The following DLG2 variants were observed in gnomAD, a reference collection of about 807,000 sequenced individuals.
DLG2 encodes disks large homolog 2.
DLG2 carries 45 observed loss-of-function variants against 132.5 expected under a neutral mutation model. The observed-to-expected ratio is 0.34, with a 90% CI of 0.27 to 0.44. The LOEUF (loss-of-function observed/expected upper bound fraction) is 0.44. Among genes scored for constraint, DLG2 ranks in the 20% least tolerant of loss-of-function variants. The probability of loss-of-function intolerance (pLI) is 1.00; values close to 1 mark genes in which losing one functional copy is unlikely to be tolerated. For synonymous variants in DLG2, 424 were observed against 419.6 expected (o/e 1.01, Z -0.13); for missense variants, 1,045 against 1,196.9 (o/e 0.87, Z 1.87).
At chr11:84,986,744 C>T (rs2154122804) in intron 6 of DLG2, among the ~76,000 whole-genome samples, 1 of 152,220 alleles carries the variant, frequency 6.6e-6, no homozygotes, top group East Asian at 1.9e-4. Flanking sequence ...GCAAAATCAG[C>T]ATACAAGGGA....
At chr11:85,013,022 A>T (rs2059282197) in intron 6 of DLG2, among the ~76,000 whole-genome samples, 1 of 152,196 alleles carries the variant, frequency 6.6e-6, no homozygotes, top group Non-Finnish European at 1.5e-5. Flanking sequence ...TCTCATTTTC[A>T]GTGTGGAAAA....
At chr11:84,221,927 TTA>T (rs1456597386) in intron 8 of DLG2, among the ~76,000 whole-genome samples, 1 of 152,134 alleles carries the variant, frequency 6.6e-6, no homozygotes, top group Non-Finnish European at 1.5e-5. Context: ...TTTATAGATA[TTA>T]TGTTATTAGA....
chr11:85,259,224 G>T (rs1244729404), intron 4 of DLG2, among the ~76,000 whole-genome samples: 3 of 152,054 alleles, frequency 2.0e-5, no homozygotes, highest in African/African-American at 4.8e-5. Context: ...GCTCTCACAA[G>T]ATCTGGGTGT....
At chr11:85,516,836 C>G (rs760289010) in intron 3 of DLG2, among the ~76,000 whole-genome samples, 1 of 151,742 alleles carries the variant, frequency 6.6e-6, no homozygotes, top group Non-Finnish European at 1.5e-5. Context: ...CTGAATTCCA[C>G]CAAAAGTACA....
In DLG2 at chr11:84,647,078, T is replaced by C. The variant is rs535653215; in HGVS notation, c.358-112347A>G. ...TATAACATATATAATACATAATATA[T>C]TATCTAAATCTATTGGGGATAACAT... On this transcript the variant is annotated intron_variant, in intron 6 of 27. Coordinates refer to ENST00000376104, the MANE Select transcript of DLG2 (RefSeq NM_001142699.3). 1.1e-3 allele frequency among the ~76,000 whole-genome samples: 173 copies of C among 152,162 alleles called. 1 individual carries two copies. The highest frequency in any genetic ancestry group is 4.0e-3 in the African/African-American group (165 of 41,536).
intron 7 of DLG2, among the ~76,000 whole-genome samples, chr11:84,335,044 T>C (rs970755191): frequency 5.9e-5 from 9 of 151,586 alleles, no homozygotes; most frequent in Non-Finnish European, 1.3e-4. Context: ...CAAAAATATA[T>C]GATTTAATAC....
At chr11:84,828,894 TCC>T (rs957147928) in intron 6 of DLG2, among the ~76,000 whole-genome samples, 9 of 151,722 alleles carry the variant, frequency 5.9e-5, no homozygotes, top group African/African-American at 2.2e-4. Flanking sequence ...GGCAGGACAG[TCC>T]CTATGTACTA....
chr11:83,519,050 A>C (rs376254141), intron 21 of DLG2, among the ~76,000 whole-genome samples: 1 of 152,330 alleles, frequency 6.6e-6, no homozygotes, highest in East Asian at 1.9e-4. Flanking sequence ...CAGAGAGAGC[A>C]GCCACAGAGG....
chr11:83,775,909 G>A (rs752793435), intron 18 of DLG2, among the ~76,000 whole-genome samples: 2 of 151,900 alleles, frequency 1.3e-5, no homozygotes, highest in Admixed American at 1.3e-4. Flanking sequence ...TGGCTAATAC[G>A]GTGAAACCTC....
intron 16 of DLG2, among the ~76,000 whole-genome samples, chr11:83,851,627 CAA>C (rs376147145): frequency 2.6e-5 from 3 of 113,408 alleles, no homozygotes; most frequent in Non-Finnish European, 3.6e-5. Flanking sequence ...AACTCGGTCT[CAA>C]AAAAAAAAAA....
intron 6 of DLG2, among the ~76,000 whole-genome samples, chr11:84,718,350 G>C (rs769152606): frequency 7.2e-5 from 11 of 151,912 alleles, no homozygotes; most frequent in Non-Finnish European, 1.3e-4. Context: ...CTCTCATAAA[G>C]TGAATTTGTT....
intron 19 of DLG2, among the ~76,000 whole-genome samples, chr11:83,556,213 A>G (rs473255): frequency 0.47 from 71,929 of 151,968 alleles, 17,601 homozygotes; most frequent in Admixed American, 0.57. Flanking sequence ...CATTCATAGA[A>G]AACAAGAGAA....
At chr11:83,772,941 C>T (rs888055382) in intron 18 of DLG2, among the ~76,000 whole-genome samples, 2 of 152,122 alleles carry the variant, frequency 1.3e-5, no homozygotes, top group African/African-American at 4.8e-5. Flanking sequence ...TCAGTGTACA[C>T]ATTTTAATAT....
chr11:84,609,239 G>C (rs2099591088), intron 6 of DLG2, among the ~76,000 whole-genome samples: 1 of 152,076 alleles, frequency 6.6e-6, no homozygotes, highest in Admixed American at 6.6e-5. Flanking sequence ...TAACCTCTCT[G>C]TGCTTCGGTT....
At chr11:83,909,684 A>C (rs2075697782) in intron 15 of DLG2, among the ~76,000 whole-genome samples, 1 of 152,212 alleles carries the variant, frequency 6.6e-6, no homozygotes, top group African/African-American at 2.4e-5. Context: ...GAAATTAAAT[A>C]TCTGAAAAAA....
At chr11:84,317,016 G>T in intron 7 of DLG2, 1 of 1,612,810 alleles carries the variant, frequency 6.2e-7, no homozygotes, top group East Asian at 2.2e-5. Context: ...CTGTACCCGA[G>T]CCCCTGACAG....
chr11:84,044,578 T>C (rs182332163), intron 11 of DLG2, among the ~76,000 whole-genome samples: 43 of 151,888 alleles, frequency 2.8e-4, no homozygotes, highest in African/African-American at 1.0e-3. Context: ...GTGTCATTTT[T>C]CTTGTAAGAC....
At chr11:84,370,048 A>G (rs1269494423) in intron 7 of DLG2, among the ~76,000 whole-genome samples, 1 of 152,160 alleles carries the variant, frequency 6.6e-6, no homozygotes, top group Non-Finnish European at 1.5e-5. Flanking sequence ...AATGCTGAAG[A>G]GAGAGGGTAT....
intron 3 of DLG2, among the ~76,000 whole-genome samples, chr11:85,493,936 G>T (rs1381387679): frequency 6.6e-6 from 1 of 152,176 alleles, no homozygotes; most frequent in South Asian, 2.1e-4. Context: ...GCACCAGTAG[G>T]ATTGGCATTC....
Sources: allele counts gnomAD v4.1 joint callset (sites outside exome capture counted in the v4.1 genomes callset), GRCh38; gene constraint gnomAD v4.1.1; transcripts MANE v1.5; gene names NCBI Gene and HGNC (gene_info 2026-07-23, HGNC 2026-07-21).